Variants in CLEC16A observed in about 807,000 individuals in gnomAD.
The protein encoded by CLEC16A is protein CLEC16A.
A neutral mutation model predicts 109.5 loss-of-function variants in CLEC16A; 51 were observed. The observed-to-expected ratio is 0.47, with a 90% CI of 0.37 to 0.59. CLEC16A has a LOEUF of 0.59. Among genes scored for constraint, CLEC16A ranks in the 20% least tolerant of loss-of-function variants. The pLI, the probability that CLEC16A is intolerant of heterozygous loss-of-function variation, is 0.00. For missense variants in CLEC16A, 1,339 were observed against 1,394.0 expected (o/e 0.96, Z 0.63); for synonymous variants, 673 against 564.2 (o/e 1.19, Z -2.73).
intron 19 of CLEC16A, among the ~76,000 whole-genome samples, chr16:11,098,578 T>A (rs2050736328): frequency 6.6e-6 from 1 of 152,148 alleles, no homozygotes; most frequent in Non-Finnish European, 1.5e-5. Flanking sequence ...AAACCACTTG[T>A]CCATAGACCC....
intron 23 of CLEC16A, among the ~76,000 whole-genome samples, chr16:11,177,219 T>C (rs1794914104): frequency 6.6e-6 from 1 of 152,206 alleles, no homozygotes; most frequent in Non-Finnish European, 1.5e-5. Flanking sequence ...CTGGAAGATG[T>C]TTTCCACAAT....
At chr16:11,038,477 C>G (rs542115775) in intron 13 of CLEC16A, among the ~76,000 whole-genome samples, 2 of 152,306 alleles carry the variant, frequency 1.3e-5, no homozygotes, top group Middle Eastern at 3.4e-3. Context: ...TTGAAGACCT[C>G]TTACTCCAGG....
At position 11,013,685 on chromosome 16, in the gene CLEC16A, G is replaced by T. The variant is rs59306803; in HGVS notation, c.1304-6508G>T. On this transcript the variant is annotated intron_variant, in intron 11 of 23. Transcript: ENST00000409790. Reference sequence around the variant, plus strand: ...GAGGCTGGAGAATCCCGTTAGACTGGGAGGCAGAGGTTGCAGTGAGCCAAG... The same window carrying T: ...GAGGCTGGAGAATCCCGTTAGACTGTGAGGCAGAGGTTGCAGTGAGCCAAG... Among the ~76,000 whole-genome samples the T allele has an allele frequency of 5.1e-3, 773 of 152,268 alleles. 7 individuals are homozygous for T. Among genetic ancestry groups the T allele is most frequent in the African/African-American group, 0.018 (738 of 41,546 alleles).
At chr16:11,139,284 G>A (rs1021944279) in intron 22 of CLEC16A, among the ~76,000 whole-genome samples, 1 of 152,144 alleles carries the variant, frequency 6.6e-6, no homozygotes, top group African/African-American at 2.4e-5. Flanking sequence ...GACACCAGTG[G>A]GTTCTGTTCC....
chr16:11,127,869 C>G (rs1387121863), intron 22 of CLEC16A, among the ~76,000 whole-genome samples: 1 of 151,922 alleles, frequency 6.6e-6, no homozygotes, highest in Admixed American at 6.6e-5. Context: ...GACCCTGTCT[C>G]AAAAAGAAAA....
chr16:10,998,229 T>G (rs894789202), intron 10 of CLEC16A, among the ~76,000 whole-genome samples: 3 of 152,276 alleles, frequency 2.0e-5, no homozygotes, highest in African/African-American at 7.2e-5. Context: ...TGCAGACGCT[T>G]AGGGAGTAGT....
chr16:11,045,403 G>A (rs138436534), intron 16 of CLEC16A, among the ~76,000 whole-genome samples: 5 of 152,292 alleles, frequency 3.3e-5, no homozygotes, highest in African/African-American at 1.2e-4. Context: ...GGAAGTCTAA[G>A]ATCAAGGCAG....
At chr16:10,968,672 G>A (rs1404161423) in intron 3 of CLEC16A, among the ~76,000 whole-genome samples, 4 of 152,158 alleles carry the variant, frequency 2.6e-5, no homozygotes, top group Non-Finnish European at 5.9e-5. Context: ...CCTAGTGGCC[G>A]GCATGTAGTA....
At chr16:10,997,917 T>C (rs562823635) in intron 10 of CLEC16A, among the ~76,000 whole-genome samples, 30 of 152,262 alleles carry the variant, frequency 2.0e-4, no homozygotes, top group Non-Finnish European at 4.1e-4. Flanking sequence ...GTGCAGCCTG[T>C]GTCCAGGTCT....
At chr16:11,104,175 C>G (rs941630202) in intron 19 of CLEC16A, among the ~76,000 whole-genome samples, 2 of 152,154 alleles carry the variant, frequency 1.3e-5, no homozygotes, top group African/African-American at 4.8e-5. Context: ...GTGGTACAAT[C>G]TCAGCTTACT....
chr16:11,152,787 C>G (rs904018019), intron 22 of CLEC16A, among the ~76,000 whole-genome samples: 8 of 152,300 alleles, frequency 5.3e-5, no homozygotes, highest in Admixed American at 5.2e-4. Context: ...GGCATCTTTC[C>G]TCCAGCCTCC....
chr16:10,968,641 A>G (rs1232886735), intron 3 of CLEC16A, among the ~76,000 whole-genome samples: 1 of 152,172 alleles, frequency 6.6e-6, no homozygotes, highest in Non-Finnish European at 1.5e-5. Flanking sequence ...GTGATGGTTA[A>G]TGGTCATGTA....
chr16:11,148,723 G>T (rs2054171283), intron 22 of CLEC16A, among the ~76,000 whole-genome samples: 1 of 152,156 alleles, frequency 6.6e-6, no homozygotes, highest in South Asian at 2.1e-4. Flanking sequence ...TCCCCTGTAT[G>T]GCCAGGAAAG....
intron 23 of CLEC16A, among the ~76,000 whole-genome samples, chr16:11,175,845 C>A (rs1196849403): frequency 6.6e-6 from 1 of 152,238 alleles, no homozygotes; most frequent in Non-Finnish European, 1.5e-5. Flanking sequence ...CATTAAGGAG[C>A]AGGGAACGAA....
At chr16:11,176,089 G>A (rs1373420695) in intron 23 of CLEC16A, among the ~76,000 whole-genome samples, 2 of 152,206 alleles carry the variant, frequency 1.3e-5, no homozygotes, top group South Asian at 2.1e-4. Context: ...ATGCCCATTC[G>A]AAGCAAGGGC....
intron 11 of CLEC16A, among the ~76,000 whole-genome samples, chr16:11,013,371 G>A (rs1304093985): frequency 6.6e-6 from 1 of 152,186 alleles, no homozygotes; most frequent in Non-Finnish European, 1.5e-5. Flanking sequence ...GCTCACACCT[G>A]TAATCCCACC....
At chr16:11,043,613 C>T (rs938594291) in intron 15 of CLEC16A, among the ~76,000 whole-genome samples, 1 of 152,070 alleles carries the variant, frequency 6.6e-6, no homozygotes, top group Admixed American at 6.6e-5. Context: ...GCCTGTAATC[C>T]CAGCACTTTG....
rs561760508 is a variant in CLEC16A, at chr16:10,980,561, G to A, written c.957+1179G>A. 9.2e-5 allele frequency among the ~76,000 whole-genome samples: 14 copies of A among 152,080 alleles called. No individual in the cohort carries two copies. In the South Asian group the frequency reaches 1.2e-3, roughly 14 times the overall value. On this transcript the variant is annotated intron_variant, in intron 9 of 23. Coordinates refer to ENST00000409790, the MANE Select transcript of CLEC16A (RefSeq NM_015226.3). ...AGGGTCTCCTCCAGAGAGCATGGCC[G>A]CCAACTGCCCACAGCGGGAACGTCA...
intron 21 of CLEC16A, 124 bp downstream of exon 21, chr16:11,124,070 G>A (rs922676263): frequency 2.2e-6 from 2 of 903,386 alleles, no homozygotes; most frequent in Non-Finnish European, 3.3e-6. Flanking sequence ...TTCAGGAATT[G>A]TTTTATATAC....
Sources: gnomAD v4.1 joint callset for allele counts (sites outside exome capture counted in the v4.1 genomes callset) on GRCh38, gnomAD v4.1.1 for gene constraint, MANE v1.5 for transcripts, NCBI Gene and HGNC (gene_info 2026-07-23, HGNC 2026-07-21) for gene names.